The following ZNF331 variants were observed in gnomAD, a reference collection of about 807,000 sequenced individuals.
ZNF331 encodes zinc finger protein 331.
ZNF331 carries 2 observed loss-of-function variants against 7.0 expected under a neutral mutation model. That is an observed-to-expected ratio of 0.29 (90% CI 0.12 to 0.90). The LOEUF (loss-of-function observed/expected upper bound fraction) is 0.90. Ranked by LOEUF, ZNF331 falls within the 40% of genes least tolerant of loss-of-function variation. The pLI is 0.58. For missense variants in ZNF331, 432 were observed against 587.7 expected, an observed-to-expected ratio of 0.74 and a Z score of 2.74; for synonymous variants, 196 against 205.4, an observed-to-expected ratio of 0.95 and a Z score of 0.39.
At chr19:53,570,271 A>C (rs888903392) in intron 4 of ZNF331, among the ~76,000 whole-genome samples, 1 of 151,830 alleles carries the variant, frequency 6.6e-6, no homozygotes, top group Admixed American at 6.6e-5. Context: ...AAAAAAAAAA[A>C]AAAAATCAGG....
At position 53,569,323 on chromosome 19, in the gene ZNF331, G is replaced by T; in HGVS notation, c.-54G>T. On this transcript the variant is annotated 5_prime_UTR_variant, in exon 4 of 6. Transcript: ENST00000449416. The stretch of plus-strand genomic sequence containing the variant: ...CCCTAGCTCTAGCCTCTCGGAATTT[G>T]TCTTCTTCAGTGGAAACCCCGAGAA... The T allele has an allele frequency of 6.2e-7, 1 of 1,607,052 alleles. No homozygotes were observed. The highest frequency in any genetic ancestry group is 8.5e-7 in the Non-Finnish European group (1 of 1,175,022).
intron 3 of ZNF331, among the ~76,000 whole-genome samples, chr19:53,559,774 A>G (rs2089730522): frequency 1.6e-5 from 1 of 62,626 alleles, no homozygotes; most frequent in African/African-American, 1.3e-4. Flanking sequence ...ATACCCATAT[A>G]TACATATATA....
the ZNF331 span, chr19:53,504,048 C>G: frequency 0.31 from 105,180 of 338,012 alleles, 20,165 homozygotes; most frequent in Non-Finnish European, 0.34. Context: ...GGACCAGCGT[C>G]TCCCCCACAT....
chr19:53,552,192 T>C (rs758814272), intron 2 of ZNF331, among the ~76,000 whole-genome samples: 1 of 152,192 alleles, frequency 6.6e-6, no homozygotes, highest in Non-Finnish European at 1.5e-5. Context: ...GTTCCCAGTT[T>C]GGCATCTTCT....
rs754436593 is a variant in ZNF331 at position 53,566,226 on chromosome 19, G to T, written c.-73-3078G>T. On this transcript the variant is annotated intron_variant, in intron 3 of 5. Transcript: ENST00000449416. ...TGCCTGGCTCATCCAGCATCACATT[G>T]TGACAACACCTGTTCCATGTTATCG... 4.3e-4 allele frequency among the ~76,000 whole-genome samples: 65 copies of T among 152,252 alleles called. No homozygotes were observed. In the Middle Eastern group the frequency reaches 0.017, roughly 40 times the overall value.
intron 2 of ZNF331, among the ~76,000 whole-genome samples, chr19:53,541,407 A>G (rs780458472): frequency 4.0e-5 from 6 of 151,676 alleles, no homozygotes; most frequent in African/African-American, 1.2e-4. Context: ...TGCCCGGCCT[A>G]TATTTCTTCT....
the ZNF331 span, among the ~76,000 whole-genome samples, chr19:53,507,292 C>G: frequency 1.3e-5 from 2 of 152,166 alleles, no homozygotes; most frequent in African/African-American, 4.8e-5. Flanking sequence ...TGTTACTTTG[C>G]TGCTGAGCTC....
At chr19:53,545,615 C>T (rs1430405232) in intron 2 of ZNF331, among the ~76,000 whole-genome samples, 1 of 152,256 alleles carries the variant, frequency 6.6e-6, no homozygotes, top group African/African-American at 2.4e-5. Flanking sequence ...CACCCAGCCA[C>T]AGTCCTAGAT....
intron 2 of ZNF331, among the ~76,000 whole-genome samples, chr19:53,552,655 C>T (rs2089084724): frequency 6.6e-6 from 1 of 152,150 alleles, no homozygotes; most frequent in South Asian, 2.1e-4. Flanking sequence ...TGACTTGAGC[C>T]TAGGAGGCAG....
chr19:53,523,064 T>C (rs2087147311), intron 2 of ZNF331, among the ~76,000 whole-genome samples: 1 of 143,854 alleles, frequency 7.0e-6, no homozygotes, highest in African/African-American at 2.7e-5. Flanking sequence ...AATTGGCAAA[T>C]GACAAATTGT....
chr19:53,509,140 G>A, the ZNF331 span, among the ~76,000 whole-genome samples: 1 of 152,128 alleles, frequency 6.6e-6, no homozygotes, highest in Admixed American at 6.6e-5. Flanking sequence ...TGGTCTCCAC[G>A]TCACCCAGAA....
intron 3 of ZNF331, among the ~76,000 whole-genome samples, chr19:53,566,162 C>T (rs1437073751): frequency 2.6e-5 from 4 of 151,002 alleles, no homozygotes; most frequent in Non-Finnish European, 5.9e-5. Context: ...ACCAGGCTCC[C>T]TCTTCCTCAG....
At chr19:53,535,670 A>T (rs193098424), upstream of ZNF331, among the ~76,000 whole-genome samples, 1,146 of 152,304 alleles carry the variant, frequency 7.5e-3, 10 homozygotes, top group African/African-American at 0.026. Context: ...ATATGAAAAT[A>T]GTCACTGGAT....
chr19:53,528,438 G>A (rs566913646), intron 2 of ZNF331, among the ~76,000 whole-genome samples: 1 of 152,182 alleles, frequency 6.6e-6, no homozygotes, highest in Non-Finnish European at 1.5e-5. Context: ...TAAAGTAATT[G>A]TTATGTATTA....
rs1270511743 is a variant in ZNF331 at position 53,577,429 on chromosome 19, A to G, written c.869A>G (p.Lys290Arg). 1.7e-5 allele frequency: 28 copies of G among 1,614,244 alleles called. No homozygotes were observed. Among genetic ancestry groups the G allele is most frequent in the Non-Finnish European group, 2.3e-5 (27 of 1,180,044 alleles). ...TGTGGTTCAAGCCTCATTCAGCATA[A>G]AAGAATTCACACAGGTGAGAAACCC... ...FICGSSLIQH[K>R]RIHTGEKPYE... Residue 290 changes from lysine to arginine, a missense_variant, in exon 6 of 6, where the codon AAA becomes AGA. Transcript: ENST00000449416.
chr19:53,554,585 CG>C (rs919964654), intron 2 of ZNF331: 15 of 152,244 alleles, frequency 9.9e-5, no homozygotes, highest in African/African-American at 2.4e-5. Context: ...CTCTATCTCC[CG>C]TAACTGTGAC....
At chr19:53,554,765 G>C (rs2089265908) in intron 2 of ZNF331, 1 of 152,400 alleles carries the variant, frequency 6.6e-6, no homozygotes, top group East Asian at 1.9e-4. Flanking sequence ...TTGCTGGAGA[G>C]GGTGTGGGGT....
upstream of ZNF331, among the ~76,000 whole-genome samples, chr19:53,518,280 T>C (rs2086952188): frequency 6.6e-6 from 1 of 151,970 alleles, no homozygotes; most frequent in African/African-American, 2.4e-5. Flanking sequence ...CTCTTAGACT[T>C]ACACTGGTGG....
At position 53,558,473 on chromosome 19, in the gene ZNF331, T is replaced by A. The variant is rs1427004590; in HGVS notation, c.-74+2565T>A. 6.6e-6 allele frequency among the ~76,000 whole-genome samples: 1 copy of A among 152,082 alleles called. No homozygotes were observed. The highest frequency in any genetic ancestry group is 1.5e-5 in the Non-Finnish European group (1 of 68,000). Reference sequence around the variant, plus strand: ...TTATGGAGACTTCATTGGATAGGTGTGACTGAAGCATGCACGAATGTGTTG... The same window carrying A: ...TTATGGAGACTTCATTGGATAGGTGAGACTGAAGCATGCACGAATGTGTTG... On this transcript the variant is annotated intron_variant, in intron 3 of 5. Transcript: ENST00000449416. This position sits in a 1 kb window ranked among gnomAD's most constrained non-coding sequence, Gnocchi z 4.5.
Sources: gnomAD v4.1 joint callset for allele counts (sites outside exome capture counted in the v4.1 genomes callset) on GRCh38, gnomAD v4.1.1 for gene constraint, Gnocchi (gnomAD v3.1) non-coding constraint, MANE v1.5 for transcripts, NCBI Gene and HGNC (gene_info 2026-07-23, HGNC 2026-07-21) for gene names.